XKR6: variants seen among roughly 807,000 people sequenced by gnomAD.
XKR6 encodes the protein XK related 6.
Under a neutral mutation model 56.7 loss-of-function variants are expected in XKR6, and 22 were observed. That is an observed-to-expected ratio of 0.39 (90% CI 0.28 to 0.55). XKR6 has a LOEUF of 0.55. Ranked by LOEUF, XKR6 falls within the 20% of genes least tolerant of loss-of-function variation. The probability of loss-of-function intolerance (pLI) is 0.66; values close to 1 mark genes in which losing one functional copy is unlikely to be tolerated. For missense variants in XKR6, 852 were observed against 889.0 expected (o/e 0.96, Z 0.53); for synonymous variants, 524 against 387.8 (o/e 1.35, Z -4.13).
intron 1 of XKR6, among the ~76,000 whole-genome samples, chr8:11,099,109 C>T (rs942273436): frequency 2.0e-5 from 3 of 152,212 alleles, no homozygotes; most frequent in African/African-American, 7.2e-5. Flanking sequence ...AAAGCAGCAG[C>T]TGCCACCTCC....
chr8:11,089,216 AGTGCCAGATGCAGGGACT>A (rs1285686579), intron 1 of XKR6, among the ~76,000 whole-genome samples: 1 of 152,170 alleles, frequency 6.6e-6, no homozygotes, highest in African/African-American at 2.4e-5. Flanking sequence ...TCTGATCTAG[AGTGCCAGATGCAGGGACT>A]GCAACTCGAC....
chr8:10,909,982 G>A (rs972635632), intron 2 of XKR6, among the ~76,000 whole-genome samples: 11 of 151,942 alleles, frequency 7.2e-5, no homozygotes, highest in Non-Finnish European at 1.6e-4. Flanking sequence ...ACATCTCGGG[G>A]GGCTGGGGGG....
At chr8:11,193,031 T>C (rs1000054024) in intron 1 of XKR6, among the ~76,000 whole-genome samples, 2 of 152,218 alleles carry the variant, frequency 1.3e-5, no homozygotes, top group African/African-American at 2.4e-5. Flanking sequence ...CATGGTGATA[T>C]GAATGTTTTA....
chr8:11,028,082 T>C (rs2129150828), intron 1 of XKR6, among the ~76,000 whole-genome samples: 1 of 152,128 alleles, frequency 6.6e-6, no homozygotes, highest in South Asian at 2.1e-4. Flanking sequence ...TACAGAGCAG[T>C]TTCACCACCC....
At chr8:10,982,585 T>C (rs2129137768) in intron 1 of XKR6, among the ~76,000 whole-genome samples, 1 of 152,342 alleles carries the variant, frequency 6.6e-6, no homozygotes, top group Non-Finnish European at 1.5e-5. Context: ...AGAAATGTTC[T>C]GTTTGCTGTC....
At chr8:10,987,638 G>A (rs1401069868) in intron 1 of XKR6, among the ~76,000 whole-genome samples, 1 of 152,124 alleles carries the variant, frequency 6.6e-6, no homozygotes, top group Non-Finnish European at 1.5e-5. Flanking sequence ...GAGGGACCAC[G>A]TTAAACTGTA....
rs139856997 is a variant in XKR6 at position 10,944,008 on chromosome 8, G to A, written c.765-19178C>T. On this transcript the variant is annotated intron_variant, in intron 1 of 2. Coordinates refer to ENST00000416569, the MANE Select transcript of XKR6 (RefSeq NM_173683.4). ...TGGAGGCCTCTCTCCTCCAATATCC[G>A]AGCTCTCCTTACCCCCGACCCTGCA... 6.2e-4 allele frequency among the ~76,000 whole-genome samples: 94 copies of A among 151,980 alleles called. 1 individual carries two copies. Among genetic ancestry groups the A allele is most frequent in the African/African-American group, 2.2e-3 (91 of 41,444 alleles).
At chr8:11,098,317 G>A (rs1398434746) in intron 1 of XKR6, among the ~76,000 whole-genome samples, 1 of 152,060 alleles carries the variant, frequency 6.6e-6, no homozygotes, top group Non-Finnish European at 1.5e-5. Context: ...TTTGAGGACT[G>A]AGCTGGAGGC....
intron 1 of XKR6, among the ~76,000 whole-genome samples, chr8:11,118,102 ATTC>A (rs1311349204): frequency 6.6e-6 from 1 of 152,168 alleles, no homozygotes; most frequent in African/African-American, 2.4e-5. Context: ...CTGGGACCAG[ATTC>A]TTATTTCTTC....
intron 1 of XKR6, among the ~76,000 whole-genome samples, chr8:11,186,931 C>T (rs1236211114): frequency 6.6e-6 from 1 of 152,152 alleles, no homozygotes; most frequent in Non-Finnish European, 1.5e-5. Flanking sequence ...CTAACTTCTA[C>T]TTAATTTGGA....
At chr8:11,062,320 C>G (rs1358937462) in intron 1 of XKR6, among the ~76,000 whole-genome samples, 1 of 152,050 alleles carries the variant, frequency 6.6e-6, no homozygotes, top group African/African-American at 2.4e-5. Context: ...CCCAGGGGGC[C>G]AACTGTGACA....
At chr8:10,983,553 A>C (rs528869762) in intron 1 of XKR6, among the ~76,000 whole-genome samples, 1 of 152,380 alleles carries the variant, frequency 6.6e-6, no homozygotes, top group South Asian at 2.1e-4. Context: ...AACTTGGCCC[A>C]CTAGGTTTTA....
chr8:11,107,522 C>T (rs1171516444), intron 1 of XKR6, among the ~76,000 whole-genome samples: 1 of 152,090 alleles, frequency 6.6e-6, no homozygotes, highest in African/African-American at 2.4e-5. Context: ...CGACGTTATC[C>T]CCACATTTAT....
chr8:10,993,169 C>G (rs1798031752), intron 1 of XKR6, among the ~76,000 whole-genome samples: 1 of 152,252 alleles, frequency 6.6e-6, no homozygotes, highest in Admixed American at 6.5e-5. Flanking sequence ...GTAAAGTAAT[C>G]TTCTGAGTGA....
chr8:10,950,624 C>A lies in XKR6; in HGVS notation c.765-25794G>T, dbSNP rs80172847. 7.1e-3 allele frequency among the ~76,000 whole-genome samples: 1,083 copies of A among 152,336 alleles called. 17 individuals are homozygous for A. Among genetic ancestry groups the A allele is most frequent in the African/African-American group, 0.024 (1,009 of 41,568 alleles). ...ACAGTTTTAGACTGAAAACCCCTGA[C>A]AAGAACAGAAAACCTAGTCTCCTAG... is the stretch of plus-strand genomic sequence containing the variant. On this transcript the variant is annotated intron_variant, in intron 1 of 2. Coordinates refer to ENST00000416569, the MANE Select transcript of XKR6 (RefSeq NM_173683.4).
intron 2 of XKR6, among the ~76,000 whole-genome samples, chr8:10,912,462 TATATAGAG>T (rs1479030638): frequency 1.3e-3 from 160 of 118,818 alleles, no homozygotes; most frequent in African/African-American, 5.1e-3. Flanking sequence ...TATATATATA[TATATAGAG>T]AGAGAGAGAG....
chr8:10,898,291 C>A lies in XKR6; in HGVS notation c.1587G>T (p.Met529Ile). Residue 529 changes from methionine to isoleucine, a missense_variant, in exon 3 of 3, where the codon ATG (methionine) becomes ATT (isoleucine). Met to Ile is a conservative substitution (Grantham distance 10). Transcript: ENST00000416569. This position sits in a 1 kb window ranked among gnomAD's most constrained non-coding sequence, Gnocchi z 6.6. ...GIPLPPDVEP[M>I]APEIPGYRGT... ...CCCGGTACCCAGGGATCTCAGGCGC[C>A]ATGGGCTCAACATCGGGGGGCAAAG... 1.2e-6 allele frequency: 2 copies of A among 1,614,106 alleles called. No homozygotes were observed. The highest frequency in any genetic ancestry group is 1.7e-6 in the Non-Finnish European group (2 of 1,179,986).
intron 1 of XKR6, among the ~76,000 whole-genome samples, chr8:11,145,527 C>A (rs2116952682): frequency 6.6e-6 from 1 of 152,212 alleles, no homozygotes; most frequent in South Asian, 2.1e-4. Flanking sequence ...AGCAAGATTG[C>A]AGGATATGCA....
chr8:10,954,607 G>A (rs1370917191), intron 1 of XKR6, among the ~76,000 whole-genome samples: 4 of 152,132 alleles, frequency 2.6e-5, no homozygotes, highest in South Asian at 4.1e-4. Flanking sequence ...TCTATGGGTT[G>A]TCTTTTCACT....
Sources: gnomAD v4.1 joint callset for allele counts (sites outside exome capture counted in the v4.1 genomes callset) on GRCh38, gnomAD v4.1.1 for gene constraint, Gnocchi (gnomAD v3.1) non-coding constraint, MANE v1.5 for transcripts, NCBI Gene and HGNC (gene_info 2026-07-23, HGNC 2026-07-21) for gene names.